PDE8A: variants seen among roughly 807,000 people sequenced by gnomAD.
The protein encoded by PDE8A is phosphodiesterase 8A, also known as high affinity cAMP-specific and IBMX-insensitive 3',5'-cyclic phosphodiesterase 8A.
In PDE8A, 59 loss-of-function variants were observed where a neutral mutation model predicts 105.0. The ratio of observed to expected loss-of-function variants is 0.56; its 90% CI spans 0.46 to 0.70. PDE8A has a LOEUF of 0.70. Among genes scored for constraint, PDE8A ranks in the 30% least tolerant of loss-of-function variants. The pLI is 0.00. For synonymous variants in PDE8A, 355 were observed against 371.9 expected (o/e 0.95, Z 0.52); for missense variants, 1,014 against 1,045.9 (o/e 0.97, Z 0.42).
chr15:85,117,509 A>G (rs1019999515), intron 16 of PDE8A, 132 bp from the exon 17 acceptor site: 1 of 748,688 alleles, frequency 1.3e-6, no homozygotes, highest in Non-Finnish European at 2.3e-6. Context: ...GAGAGAGGCC[A>G]GCACAGCCCA....
rs1301802829 is a variant in PDE8A at position 85,136,627 on chromosome 15, G to A, written c.2347G>A (p.Asp783Asn). ...CCCCAAATCCCAAATCTCTTTCATT[G>A]ATTACTTCATCACAGACATGTTTGA... ...SIPKSQISFIDYFITDMFDAW... is the reference protein window; with the variant it reads ...SIPKSQISFINYFITDMFDAW... Residue 783 changes from aspartate (D) to asparagine (N), a missense_variant, in exon 21 of 22, where the codon GAT becomes AAT. By Grantham distance (23) the Asp-to-Asn change is conservative. Transcript: ENST00000394553. 10 of 1,613,726 alleles carry A rather than the reference G, an allele frequency of 6.2e-6. No individual in the cohort carries two copies. The Admixed American group carries it at 8.3e-5, about 13-fold the overall frequency.
At chr15:85,127,896 C>T (rs1320165932) in intron 20 of PDE8A, among the ~76,000 whole-genome samples, 1 of 151,856 alleles carries the variant, frequency 6.6e-6, no homozygotes, top group African/African-American at 2.4e-5. Context: ...GGCTTCAAAA[C>T]TTAAAATAAT....
chr15:85,084,269 C>G (rs2081513893), intron 6 of PDE8A, among the ~76,000 whole-genome samples: 1 of 151,998 alleles, frequency 6.6e-6, no homozygotes, highest in Admixed American at 6.6e-5. Flanking sequence ...TTGTATGTGC[C>G]CAAGACAGTC....
In PDE8A at chr15:85,040,837, G is replaced by A. The variant is rs372563233; in HGVS notation, c.187-23533G>A. On this transcript the variant is annotated intron_variant, in intron 1 of 21. Transcript: ENST00000394553. ...GCCTCCCAAAATGCTGGGATTACAGGCGTGAACCACCACACCCGGCCTTGC... is the reference window on the plus strand; with the variant it reads ...GCCTCCCAAAATGCTGGGATTACAGACGTGAACCACCACACCCGGCCTTGC... Among the ~76,000 whole-genome samples the A allele has an allele frequency of 3.9e-5, 6 of 152,152 alleles. No individual in the cohort carries two copies. In the East Asian group the frequency reaches 1.2e-3, roughly 29 times the overall value.
chr15:85,062,026 C>A (rs2081153949), intron 1 of PDE8A, among the ~76,000 whole-genome samples: 1 of 152,014 alleles, frequency 6.6e-6, no homozygotes, highest in Admixed American at 6.6e-5. Flanking sequence ...CCACATCTTT[C>A]TTTAGTTCTT....
intron 3 of PDE8A, among the ~76,000 whole-genome samples, chr15:85,068,277 T>G (rs1247052240): frequency 6.6e-6 from 1 of 152,078 alleles, no homozygotes; most frequent in African/African-American, 2.4e-5. Context: ...TGACCCCAAG[T>G]GATCCATCTG....
At chr15:85,096,822 T>G (rs576248009) in intron 8 of PDE8A, among the ~76,000 whole-genome samples, 65 of 152,308 alleles carry the variant, frequency 4.3e-4, no homozygotes, top group African/African-American at 1.5e-3. Flanking sequence ...GTGCCCATTG[T>G]TTTCAGAATT....
At chr15:85,035,060 A>G (rs1477576838) in intron 1 of PDE8A, among the ~76,000 whole-genome samples, 1 of 152,166 alleles carries the variant, frequency 6.6e-6, no homozygotes, top group African/African-American at 2.4e-5. Flanking sequence ...TATAAATGGG[A>G]GTTGGGGTTA....
In PDE8A at chr15:85,002,054, T is replaced by C. The variant is rs370958005; in HGVS notation, c.186+19706T>C. Among the ~76,000 whole-genome samples the C allele has an allele frequency of 7.2e-5, 11 of 152,220 alleles. No individual in the cohort carries two copies. The East Asian group carries it at 1.2e-3, about 16-fold the overall frequency. On this transcript the variant is annotated intron_variant, in intron 1 of 21. Transcript: ENST00000394553. ...CCTGGCCTCAAGTGATCCTCCTGCA[T>C]TGGCCTCCTAAAAAACTCCCACACA...
At chr15:85,126,158 G>T in intron 19 of PDE8A, 49 bp from the exon 20 acceptor site, 3 of 1,414,780 alleles carry the variant, frequency 2.1e-6, no homozygotes, top group East Asian at 2.4e-5. Context: ...GAGAGGGCTT[G>T]GCACCAAGGG....
rs184220177 is a variant in PDE8A, at chr15:85,051,623, C to T, written c.187-12747C>T. On this transcript the variant is annotated intron_variant, in intron 1 of 21. Transcript: ENST00000394553. ...GCTATTCTTCCTGATGCTGTCCCTCCCTCCGCCTGCCACAGGCCTCAGTGT... is the reference window on the plus strand; with the variant it reads ...GCTATTCTTCCTGATGCTGTCCCTCTCTCCGCCTGCCACAGGCCTCAGTGT... Among the ~76,000 whole-genome samples the T allele has an allele frequency of 6.3e-4, 96 of 152,230 alleles. No homozygotes were observed. In the East Asian group the frequency reaches 0.018, roughly 28 times the overall value.
At chr15:85,022,540 ATT>A (rs56869355) in intron 1 of PDE8A, among the ~76,000 whole-genome samples, 17,921 of 142,924 alleles carry the variant, frequency 0.13, 1,888 homozygotes, top group African/African-American at 0.29. Context: ...TATATGCAAA[ATT>A]TTTTTTTTTT....
upstream of PDE8A, among the ~76,000 whole-genome samples, chr15:84,981,409 C>T (rs1372731572): frequency 6.6e-6 from 1 of 152,002 alleles, no homozygotes; most frequent in East Asian, 1.9e-4. Flanking sequence ...AGCCGTACCG[C>T]CAGCAACTCC....
At chr15:84,987,413 A>C (rs1034732364) in intron 1 of PDE8A, among the ~76,000 whole-genome samples, 3 of 148,742 alleles carry the variant, frequency 2.0e-5, no homozygotes, top group Non-Finnish European at 4.4e-5. Context: ...TTTCCTGTGA[A>C]GTGGCTTATG....
At chr15:85,012,781 C>A (rs1327119413) in intron 1 of PDE8A, among the ~76,000 whole-genome samples, 2 of 151,686 alleles carry the variant, frequency 1.3e-5, no homozygotes, top group Non-Finnish European at 2.9e-5. Flanking sequence ...TTAGGGCTTT[C>A]TTTTTAAGAA....
intron 18 of PDE8A, among the ~76,000 whole-genome samples, chr15:85,122,080 T>C (rs2082191387): frequency 6.6e-6 from 1 of 152,294 alleles, no homozygotes; most frequent in South Asian, 2.1e-4. Flanking sequence ...TGGCATTGTC[T>C]CTGTTTACAT....
At chr15:85,066,062 T>G (rs2081220470) in intron 2 of PDE8A, among the ~76,000 whole-genome samples, 2 of 152,232 alleles carry the variant, frequency 1.3e-5, no homozygotes, top group Non-Finnish European at 2.9e-5. Context: ...ACATAAAATC[T>G]TGAGTCAAAC....
At chr15:85,036,775 T>C (rs2080713785) in intron 1 of PDE8A, among the ~76,000 whole-genome samples, 1 of 151,958 alleles carries the variant, frequency 6.6e-6, no homozygotes, top group Non-Finnish European at 1.5e-5. Flanking sequence ...GAAGAATCTC[T>C]AGAGACATCA....
chr15:85,109,204 C>G, intron 12 of PDE8A, 74 bp downstream of exon 12: 1 of 938,600 alleles, frequency 1.1e-6, no homozygotes, highest in East Asian at 2.5e-5. Context: ...CCTGCCTTGC[C>G]CAGGCTCATC....
Sources: allele counts gnomAD v4.1 joint callset (sites outside exome capture counted in the v4.1 genomes callset), GRCh38; gene constraint gnomAD v4.1.1; transcripts MANE v1.5; gene names NCBI Gene and HGNC (gene_info 2026-07-23, HGNC 2026-07-21).